The following MPPED1 variants were observed in gnomAD, a reference collection of about 807,000 sequenced individuals.
The protein encoded by MPPED1 is metallophosphoesterase domain-containing protein 1.
A neutral mutation model predicts 36.2 loss-of-function variants in MPPED1; 16 were observed. The observed-to-expected ratio is 0.44, with a 90% confidence interval of 0.30 to 0.67. The LOEUF (loss-of-function observed/expected upper bound fraction) is 0.67. Ranked by LOEUF, MPPED1 falls within the 30% of genes least tolerant of loss-of-function variation. MPPED1 has a pLI of 0.10. For missense variants in MPPED1, 307 were observed against 453.4 expected (o/e 0.68, Z 2.93); for synonymous variants, 199 against 191.3 (o/e 1.04, Z -0.33).
intron 4 of MPPED1, among the ~76,000 whole-genome samples, chr22:43,494,728 G>C (rs1447375572): frequency 6.6e-6 from 1 of 151,726 alleles, no homozygotes; most frequent in Non-Finnish European, 1.5e-5. Context: ...GGTGGTGATG[G>C]TGGCTGTCTT....
At chr22:43,491,569 A>T (rs1251890021) in intron 4 of MPPED1, among the ~76,000 whole-genome samples, 13 of 79,694 alleles carry the variant, frequency 1.6e-4, no homozygotes, top group South Asian at 4.1e-4. Context: ...GTAGTGATGG[A>T]GGTGGTGATG....
intron 4 of MPPED1, among the ~76,000 whole-genome samples, chr22:43,497,360 A>G (rs907050198): frequency 6.6e-6 from 1 of 152,012 alleles, no homozygotes; most frequent in South Asian, 2.1e-4. Flanking sequence ...GTTGGCCCGT[A>G]TAATTGGGAA....
At chr22:43,464,969 C>A (rs1931112130) in intron 3 of MPPED1, among the ~76,000 whole-genome samples, 1 of 152,206 alleles carries the variant, frequency 6.6e-6, no homozygotes, top group Admixed American at 6.5e-5. Context: ...TTGGTTCCCA[C>A]CATCTGACCC....
intron 3 of MPPED1, among the ~76,000 whole-genome samples, chr22:43,438,335 G>A (rs758776598): frequency 2.0e-5 from 3 of 152,174 alleles, no homozygotes; most frequent in African/African-American, 4.8e-5. Context: ...GGCAGGACCC[G>A]TTCCAGGCAG....
At chr22:43,449,422 A>ACCCCCCCCCCCCCCCCCCCCCCCCACC (rs135045) in intron 3 of MPPED1, among the ~76,000 whole-genome samples, 2 of 127,330 alleles carry the variant, frequency 1.6e-5, no homozygotes, top group Non-Finnish European at 3.3e-5. Context: ...GACAGTGCCA[A>ACCCCCCCCCCCCCCCCCCCCCCCCACC]CCCCCCCCGC....
At chr22:43,449,731 T>A (rs1394381629) in intron 3 of MPPED1, among the ~76,000 whole-genome samples, 3 of 152,152 alleles carry the variant, frequency 2.0e-5, no homozygotes, top group African/African-American at 7.2e-5. Context: ...CCACCTTGCC[T>A]CCTCGATGTG....
chr22:43,470,495 C>T (rs1007474797), intron 3 of MPPED1, among the ~76,000 whole-genome samples: 1 of 152,212 alleles, frequency 6.6e-6, no homozygotes, highest in Non-Finnish European at 1.5e-5. Context: ...CATATCCATC[C>T]ATCTGTAAAC....
chr22:43,421,215 A>C (rs999708565), intron 1 of MPPED1, among the ~76,000 whole-genome samples: 3 of 152,234 alleles, frequency 2.0e-5, no homozygotes, highest in Non-Finnish European at 4.4e-5. Flanking sequence ...GATCGGCTGC[A>C]CGGCGGAGAA....
chr22:43,442,109 C>G (rs8135456), intron 3 of MPPED1, among the ~76,000 whole-genome samples: 40,873 of 151,508 alleles, frequency 0.27, 7,036 homozygotes, highest in East Asian at 0.7. Flanking sequence ...CCCCTCCACG[C>G]CCCTCTCATA....
intron 2 of MPPED1, among the ~76,000 whole-genome samples, chr22:43,432,586 AAAG>A (rs1929759065): frequency 5.0e-5 from 3 of 60,354 alleles, no homozygotes; most frequent in East Asian, 4.7e-4. Context: ...AGAGAGAGGG[AAAG>A]AGGGAGGAGA....
intron 3 of MPPED1, among the ~76,000 whole-genome samples, chr22:43,454,612 T>C (rs1172336245): frequency 6.6e-6 from 1 of 151,438 alleles, no homozygotes; most frequent in African/African-American, 2.4e-5. Context: ...GTTATAGGGC[T>C]CTATCATGGT....
At chr22:43,473,848 C>A (rs1272078591) in intron 3 of MPPED1, among the ~76,000 whole-genome samples, 1 of 152,192 alleles carries the variant, frequency 6.6e-6, no homozygotes, top group African/African-American at 2.4e-5. Flanking sequence ...GGTGACAGTG[C>A]ACACTCCTGC....
intron 4 of MPPED1, among the ~76,000 whole-genome samples, chr22:43,495,500 G>A (rs1360793741): frequency 1.8e-3 from 69 of 37,710 alleles, no homozygotes; most frequent in East Asian, 5.9e-3. Flanking sequence ...GGTAGTGGTG[G>A]TGGAGGTGGT....
chr22:43,450,059 C>T (rs1023625930), intron 3 of MPPED1, among the ~76,000 whole-genome samples: 34 of 152,132 alleles, frequency 2.2e-4, no homozygotes, highest in African/African-American at 7.0e-4. Flanking sequence ...GCATGCAGGG[C>T]GTAGCGCCCC....
At chr22:43,487,074 G>A (rs1248107046) in intron 4 of MPPED1, among the ~76,000 whole-genome samples, 3 of 152,122 alleles carry the variant, frequency 2.0e-5, no homozygotes, top group Non-Finnish European at 4.4e-5. Context: ...GCACCTGCTT[G>A]TTCATTTCAT....
intron 3 of MPPED1, among the ~76,000 whole-genome samples, chr22:43,449,589 G>A (rs1325421003): frequency 6.6e-6 from 1 of 152,108 alleles, no homozygotes; most frequent in Non-Finnish European, 1.5e-5. Flanking sequence ...CCCCTGCTCG[G>A]CCCCATCCCC....
intron 4 of MPPED1, among the ~76,000 whole-genome samples, chr22:43,496,066 G>A (rs1466576842): frequency 3.4e-4 from 35 of 102,934 alleles, no homozygotes; most frequent in Non-Finnish European, 4.7e-4. Flanking sequence ...TGGTGGAGGT[G>A]GTGGTGGAGG....
At chr22:43,493,917 C>T (rs912247278) in intron 4 of MPPED1, among the ~76,000 whole-genome samples, 6 of 152,032 alleles carry the variant, frequency 3.9e-5, no homozygotes, top group African/African-American at 1.2e-4. Context: ...AATCCAGTGG[C>T]GAAAACAACG....
chr22:43,424,897 C>G lies in MPPED1; in HGVS notation c.-78-11C>G, dbSNP rs180936220. 18 of 1,524,974 alleles carry G rather than the reference C, an allele frequency of 1.2e-5. No individual in the cohort carries two copies. Among genetic ancestry groups the G allele is most frequent in the South Asian group, 6.1e-5 (5 of 82,612 alleles). The allele number at this position is 1,524,974 out of a possible 1,614,324, so 94.5% of individuals were successfully genotyped here. Reference sequence around the variant, plus strand: ...GATTAACTGTCGCACGGTTCTGCTCCGTCTCCTCAGTCTGTTTCCAGGTCT... The same window carrying G: ...GATTAACTGTCGCACGGTTCTGCTCGGTCTCCTCAGTCTGTTTCCAGGTCT... On this transcript the variant is annotated splice_polypyrimidine_tract_variant and intron_variant, in intron 1 of 6. Coordinates refer to ENST00000443721, the MANE Select transcript of MPPED1 (RefSeq NM_001044370.2).
Sources: gnomAD v4.1 joint callset for allele counts (sites outside exome capture counted in the v4.1 genomes callset) on GRCh38, gnomAD v4.1.1 for gene constraint, MANE v1.5 for transcripts, NCBI Gene and HGNC (gene_info 2026-07-23, HGNC 2026-07-21) for gene names.